The following ZNF93 variants were observed in gnomAD, a reference collection of about 807,000 sequenced individuals.
The protein encoded by ZNF93 is zinc finger protein 93.
Under a neutral mutation model 45.0 loss-of-function variants are expected in ZNF93, and 29 were observed. The observed-to-expected ratio is 0.64, with a 90% confidence interval of 0.48 to 0.88. The LOEUF (loss-of-function observed/expected upper bound fraction) is 0.88. ZNF93 is among the 40% of genes least tolerant of loss of function. The probability of loss-of-function intolerance (pLI) is 0.00; values close to 1 mark genes in which losing one functional copy is unlikely to be tolerated. For synonymous variants in ZNF93, 223 were observed against 244.6 expected, an observed-to-expected ratio of 0.91 and a Z score of 0.82; for missense variants, 578 against 724.0, an observed-to-expected ratio of 0.80 and a Z score of 2.31.
chr19:19,901,214 C>T lies in ZNF93; in HGVS notation c.3+123C>T, dbSNP rs548397817. On this transcript the variant is annotated intron_variant, in intron 1 of 3. Coordinates refer to ENST00000343769, the MANE Select transcript of ZNF93 (RefSeq NM_031218.4). The stretch of plus-strand genomic sequence containing the variant: ...TCCACAATCTGCGCCGGAGTTCTTG[C>T]CCAGCTCGGCCTCGGTTCCCTTCAG... 4.7e-6 allele frequency: 7 copies of T among 1,499,414 alleles called. 1 individual carries two copies. In the South Asian group the frequency reaches 7.9e-5, roughly 17 times the overall value. 92.9% of individuals were successfully genotyped at this position (1,499,414 alleles called of 1,614,324 possible).
chr19:19,905,908 A>G (rs149438749), intron 1 of ZNF93, among the ~76,000 whole-genome samples: 1 of 152,230 alleles, frequency 6.6e-6, no homozygotes, highest in East Asian at 1.9e-4. Flanking sequence ...TATTTTCTTT[A>G]TTCATTCTAC....
At chr19:19,914,179 T>G (rs778458007) in intron 1 of ZNF93, among the ~76,000 whole-genome samples, 9 of 152,186 alleles carry the variant, frequency 5.9e-5, no homozygotes, top group Non-Finnish European at 1.0e-4. Context: ...GGGAAAACTG[T>G]GGTCCTTAGT....
intron 3 of ZNF93, among the ~76,000 whole-genome samples, chr19:19,927,669 T>C (rs1568512527): frequency 1.3e-5 from 2 of 152,242 alleles, no homozygotes; most frequent in South Asian, 4.1e-4. Context: ...TGGAATAATA[T>C]TCCATTGTAT....
chr19:19,913,869 A>G (rs765278751), intron 1 of ZNF93, among the ~76,000 whole-genome samples: 1 of 152,206 alleles, frequency 6.6e-6, no homozygotes, highest in Non-Finnish European at 1.5e-5. Context: ...TCAGATGAAG[A>G]GCTGTGTCCA....
chr19:19,920,672 G>A (rs1568510424), intron 3 of ZNF93, among the ~76,000 whole-genome samples: 2 of 152,112 alleles, frequency 1.3e-5, no homozygotes, highest in Non-Finnish European at 2.9e-5. Context: ...TTTAGTCTTG[G>A]GAGGGTGTAT....
intron 3 of ZNF93, among the ~76,000 whole-genome samples, chr19:19,925,238 C>T (rs2063353058): frequency 6.6e-6 from 1 of 152,176 alleles, no homozygotes; most frequent in African/African-American, 2.4e-5. Context: ...TCAGCTTTAA[C>T]AGCATTTCAC....
At chr19:19,923,757 C>G (rs545620150) in intron 3 of ZNF93, among the ~76,000 whole-genome samples, 33 of 152,218 alleles carry the variant, frequency 2.2e-4, no homozygotes, top group Non-Finnish European at 4.6e-4. Flanking sequence ...TTTGCTAAGA[C>G]TGTCAGAAAA....
At position 19,900,969 on chromosome 19, in the gene ZNF93, C is replaced by T. The variant is rs181605991; in HGVS notation, c.-120C>T. On this transcript the variant is annotated 5_prime_UTR_variant, in exon 1 of 4. Transcript: ENST00000343769. ...TTGTCTCTCGGTGCAGCCGGAGCTC[C>T]AGGTCTCCTCTTCACTACTCTGTGT... is the stretch of plus-strand genomic sequence containing the variant. The T allele has an allele frequency of 1.6e-3, 2,447 of 1,504,718 alleles. 28 individuals carry two copies. In the African/African-American group the frequency reaches 0.021, roughly 13 times the overall value. 93.2% of individuals were successfully genotyped at this position (1,504,718 alleles called of 1,614,324 possible).
chr19:19,918,818 ATTTG>A (rs2063333000), intron 3 of ZNF93, among the ~76,000 whole-genome samples: 1 of 151,836 alleles, frequency 6.6e-6, no homozygotes, highest in South Asian at 2.1e-4. Flanking sequence ...TTTCTTGTAA[ATTTG>A]TTTGAGTTCT....
At position 19,922,375 on chromosome 19, in the gene ZNF93, T is replaced by C. The variant is rs1208323781; in HGVS notation, c.226+5720T>C. 2.0e-5 allele frequency among the ~76,000 whole-genome samples: 3 copies of C among 151,844 alleles called. No homozygotes were observed. In the East Asian group the frequency reaches 5.8e-4, roughly 29 times the overall value. ...GACCTTTCTCTCTGGCTGCCCTTTT[T>C]TCCTTCATTTCAACTTTGGTGAATC... On this transcript the variant is annotated intron_variant, in intron 3 of 3. Transcript: ENST00000343769.
chr19:19,918,170 A>G (rs1026620081), intron 3 of ZNF93, among the ~76,000 whole-genome samples: 8 of 149,106 alleles, frequency 5.4e-5, no homozygotes, highest in Non-Finnish European at 1.2e-4. Context: ...CTCATTGTTC[A>G]ATTCCCACCT....
At chr19:19,904,981 A>C (rs2063288458) in intron 1 of ZNF93, among the ~76,000 whole-genome samples, 1 of 152,148 alleles carries the variant, frequency 6.6e-6, no homozygotes, top group Non-Finnish European at 1.5e-5. Context: ...TTTTTCAAAG[A>C]ATTCACAAGT....
At chr19:19,926,880 T>C (rs1334655647) in intron 3 of ZNF93, among the ~76,000 whole-genome samples, 1 of 152,172 alleles carries the variant, frequency 6.6e-6, no homozygotes. Context: ...TGATTTTCGA[T>C]GGTAGTTTTA....
At position 19,920,193 on chromosome 19, in the gene ZNF93, C is replaced by T. The variant is rs150750765; in HGVS notation, c.226+3538C>T. Among the ~76,000 whole-genome samples, 310 of 152,276 alleles carry T rather than the reference C, an allele frequency of 2.0e-3. 3 individuals carry two copies. The highest frequency in any genetic ancestry group is 7.0e-3 in the African/African-American group (290 of 41,560). ...TGAATTTTGTCAAAGGCCTTTTCTG[C>T]AGCTATTGAGATAATCATGTGGTTT... On this transcript the variant is annotated intron_variant, in intron 3 of 3. Transcript: ENST00000343769.
chr19:19,922,736 C>T (rs2063345421), intron 3 of ZNF93, among the ~76,000 whole-genome samples: 1 of 152,218 alleles, frequency 6.6e-6, no homozygotes, highest in Non-Finnish European at 1.5e-5. Context: ...AAATCAGCTA[C>T]TGATGCTTAT....
intron 3 of ZNF93, among the ~76,000 whole-genome samples, chr19:19,917,070 T>C (rs2063326567): frequency 6.6e-6 from 1 of 152,202 alleles, no homozygotes; most frequent in African/African-American, 2.4e-5. Context: ...CTGTTGCATT[T>C]TTTTGTTCAT....
intron 3 of ZNF93, among the ~76,000 whole-genome samples, chr19:19,920,171 AT>A (rs2063338943): frequency 6.6e-6 from 1 of 152,122 alleles, no homozygotes; most frequent in South Asian, 2.1e-4. Flanking sequence ...GGGCTGTTGA[AT>A]TTTGTCAAAG....
In ZNF93 at chr19:19,933,318, T is replaced by C. The variant is rs1216664333; in HGVS notation, c.363T>C (p.Asp121=). ...LQLIKRCESV[D]ECKVHTGGYN... is the part of the protein sequence containing the mutation. ...TAATAAAAAGGTGTGAAAGTGTAGA[T>C]GAGTGTAAGGTGCACACAGGAGGTT... The change falls in exon 4 of 4, where the codon GAT becomes GAC. Residue 121 remains aspartate, a synonymous_variant. Transcript: ENST00000343769. 2 of 1,612,848 alleles carry C rather than the reference T, an allele frequency of 1.2e-6. No homozygotes were observed. The highest frequency in any genetic ancestry group is 1.7e-6 in the Non-Finnish European group (2 of 1,179,362).
rs1246876519 is a variant in ZNF93 at position 19,917,141 on chromosome 19, A to T, written c.226+486A>T. Among the ~76,000 whole-genome samples the T allele has an allele frequency of 5.3e-5, 8 of 152,136 alleles. No homozygotes were observed. The East Asian group carries it at 1.5e-3, about 29-fold the overall frequency. ...TAGTTTTTAAGTATAGTTTGCAATT[A>T]TACATATGATATGCTTCTGCTTTGT... On this transcript the variant is annotated intron_variant, in intron 3 of 3. Coordinates refer to ENST00000343769, the MANE Select transcript of ZNF93 (RefSeq NM_031218.4).
Sources: allele counts gnomAD v4.1 joint callset (sites outside exome capture counted in the v4.1 genomes callset), GRCh38; gene constraint gnomAD v4.1.1; transcripts MANE v1.5; gene names NCBI Gene and HGNC (gene_info 2026-07-23, HGNC 2026-07-21).